The following DCLK1 variants were observed in gnomAD, a reference collection of about 807,000 sequenced individuals.
DCLK1 encodes the protein doublecortin like kinase 1, also known as serine/threonine-protein kinase DCLK1.
DCLK1 carries 16 observed loss-of-function variants against 86.2 expected under a neutral mutation model. The observed-to-expected ratio is 0.19, with a 90% CI of 0.13 to 0.28. The LOEUF (loss-of-function observed/expected upper bound fraction) is 0.28, where lower values mean the gene tolerates loss of function less well. Ranked by LOEUF, DCLK1 falls within the 10% of genes least tolerant of loss-of-function variation. DCLK1 has a pLI of 1.00. For missense variants in DCLK1, 590 were observed against 940.2 expected, an observed-to-expected ratio of 0.63 and a Z score of 4.87; for synonymous variants, 369 against 370.5, an observed-to-expected ratio of 1.00 and a Z score of 0.05.
intron 16 of DCLK1, chr13:35,788,102 G>A: frequency 2.0e-6 from 2 of 999,852 alleles, no homozygotes; most frequent in East Asian, 4.8e-5. Flanking sequence ...AGCAGCATAT[G>A]GACTGGATAA....
chr13:36,094,395 C>T (rs952518290), intron 3 of DCLK1, among the ~76,000 whole-genome samples: 4 of 152,154 alleles, frequency 2.6e-5, no homozygotes, highest in Non-Finnish European at 5.9e-5. Flanking sequence ...AAATTAACAA[C>T]AGATAGTTAG....
At position 35,772,429 on chromosome 13, in the gene DCLK1, G is replaced by A. The variant is rs1566522434; in HGVS notation, c.*2106C>T. ...CATTCTTCACACTTTTAGAGTTGAG[G>A]CCAGGCTGTAGAGCTACTCCATAGC... On this transcript the variant is annotated 3_prime_UTR_variant, in exon 17 of 17. Transcript: ENST00000360631. The A allele has an allele frequency of 6.6e-6, 1 of 152,174 alleles. No homozygotes were observed. Among genetic ancestry groups the A allele is most frequent in the African/African-American group, 2.4e-5 (1 of 41,432 alleles). The allele number at this position is 152,174 out of a possible 1,614,324, so 9.4% of individuals were successfully genotyped here.
intron 3 of DCLK1, among the ~76,000 whole-genome samples, chr13:36,016,038 G>A (rs985418074): frequency 6.6e-6 from 1 of 152,082 alleles, no homozygotes; most frequent in African/African-American, 2.4e-5. Flanking sequence ...CAACCAGAAG[G>A]CTAGTGCATG....
chr13:35,974,203 C>G (rs752286348), intron 3 of DCLK1, among the ~76,000 whole-genome samples: 2 of 152,188 alleles, frequency 1.3e-5, no homozygotes, highest in African/African-American at 2.4e-5. Context: ...CCCTCAGATT[C>G]ATGTGTTGAA....
chr13:35,977,857 C>T (rs4245375), intron 3 of DCLK1, among the ~76,000 whole-genome samples: 152,051 of 152,092 alleles, frequency 1, 76,005 homozygotes, highest in Non-Finnish European at 1. Flanking sequence ...TGGAAAGTTG[C>T]TCATTTCTTT....
chr13:35,884,031 T>C (rs1280198096), intron 4 of DCLK1, among the ~76,000 whole-genome samples: 1 of 152,108 alleles, frequency 6.6e-6, no homozygotes, highest in Non-Finnish European at 1.5e-5. Context: ...TATATTAGAC[T>C]CATTGGAGGT....
intron 3 of DCLK1, among the ~76,000 whole-genome samples, chr13:36,006,039 G>C (rs1880937570): frequency 6.6e-6 from 1 of 152,068 alleles, no homozygotes; most frequent in Admixed American, 6.6e-5. Flanking sequence ...AGAGGATGGA[G>C]AGCATTAGGA....
At chr13:36,043,952 T>A (rs1882784475) in intron 3 of DCLK1, among the ~76,000 whole-genome samples, 1 of 152,224 alleles carries the variant, frequency 6.6e-6, no homozygotes, top group South Asian at 2.1e-4. Flanking sequence ...CTTGATATAG[T>A]CTGGATATCT....
chr13:35,947,219 A>C (rs1877433360), intron 4 of DCLK1, 139 bp downstream of exon 4: 16 of 539,926 alleles, frequency 3.0e-5, no homozygotes, highest in Non-Finnish European at 5.2e-5. Flanking sequence ...AAAGAAATCC[A>C]AGATATGGAA....
chr13:35,958,489 TA>T (rs1257092121), intron 3 of DCLK1, among the ~76,000 whole-genome samples: 2 of 142,494 alleles, frequency 1.4e-5, no homozygotes, highest in Non-Finnish European at 3.1e-5. Context: ...TCACCACCAC[TA>T]CCACCACCAT....
chr13:36,031,914 G>A (rs1309037990), intron 3 of DCLK1, among the ~76,000 whole-genome samples: 3 of 152,176 alleles, frequency 2.0e-5, no homozygotes, highest in Non-Finnish European at 4.4e-5. Flanking sequence ...GGTCTCAGCA[G>A]TGGAGGTCAG....
intron 3 of DCLK1, among the ~76,000 whole-genome samples, chr13:36,075,603 GCCTAGGGTGAATTATTTAA>G (rs1038426649): frequency 2.2e-4 from 34 of 152,140 alleles, no homozygotes; most frequent in African/African-American, 8.2e-4. Context: ...TTACTGGAGA[GCCTAGGGTGAATTATTTAA>G]CCTATGAGCC....
chr13:35,962,439 G>C (rs1878510047), intron 3 of DCLK1, among the ~76,000 whole-genome samples: 1 of 152,130 alleles, frequency 6.6e-6, no homozygotes, highest in Non-Finnish European at 1.5e-5. Flanking sequence ...GAAGCTAGGG[G>C]AGAGGCCTGG....
chr13:35,993,136 CT>C (rs1880311952), intron 3 of DCLK1, among the ~76,000 whole-genome samples: 1 of 152,202 alleles, frequency 6.6e-6, no homozygotes. Flanking sequence ...TATGCATCTG[CT>C]TCTGTGATAC....
chr13:35,985,034 G>A lies in DCLK1; in HGVS notation c.724-37577C>T, dbSNP rs1879834918. On this transcript the variant is annotated intron_variant, in intron 3 of 16. Transcript: ENST00000360631. ...CAAGCGTTTGCAGTCGCTACAGACAGACACAGCCATTACAGTGGCTGGTGC... is the reference window on the plus strand; with the variant it reads ...CAAGCGTTTGCAGTCGCTACAGACAAACACAGCCATTACAGTGGCTGGTGC... 2.6e-5 allele frequency among the ~76,000 whole-genome samples: 4 copies of A among 152,336 alleles called. No homozygotes were observed. In the South Asian group the frequency reaches 8.3e-4, roughly 32 times the overall value.
intron 3 of DCLK1, among the ~76,000 whole-genome samples, chr13:36,025,517 A>G (rs924312902): frequency 2.6e-5 from 4 of 152,230 alleles, no homozygotes; most frequent in African/African-American, 7.2e-5. Flanking sequence ...AAAACGTGGT[A>G]TATTTATTCA....
At chr13:36,081,490 C>T (rs1056766724) in intron 3 of DCLK1, among the ~76,000 whole-genome samples, 18 of 152,182 alleles carry the variant, frequency 1.2e-4, no homozygotes, top group Admixed American at 9.8e-4. Flanking sequence ...AATAGAGGGC[C>T]AATTAGATGG....
chr13:35,780,524 T>C (rs922504783), intron 16 of DCLK1, among the ~76,000 whole-genome samples: 3 of 152,220 alleles, frequency 2.0e-5, no homozygotes, highest in African/African-American at 7.2e-5. Context: ...GATGCAGCTC[T>C]AACCTAGTTA....
intron 3 of DCLK1, among the ~76,000 whole-genome samples, chr13:36,053,668 T>C (rs902183461): frequency 2.6e-5 from 4 of 151,986 alleles, no homozygotes; most frequent in East Asian, 1.9e-4. Flanking sequence ...TATTGTGACA[T>C]ATATATGTCA....
Sources: allele counts gnomAD v4.1 joint callset (sites outside exome capture counted in the v4.1 genomes callset), GRCh38; gene constraint gnomAD v4.1.1; transcripts MANE v1.5; gene names NCBI Gene and HGNC (gene_info 2026-07-23, HGNC 2026-07-21).